The following WWOX variants were observed in gnomAD, a reference collection of about 807,000 sequenced individuals.
WWOX encodes WW domain-containing oxidoreductase.
A neutral mutation model predicts 46.2 loss-of-function variants in WWOX; 69 were observed. That is an observed-to-expected ratio of 1.49 (90% CI 1.23 to 1.82). The LOEUF (loss-of-function observed/expected upper bound fraction) is 1.82, where lower values mean the gene tolerates loss of function less well. Ranked by LOEUF, WWOX falls within the 40% of genes most tolerant of loss-of-function variation. The probability of loss-of-function intolerance (pLI) is 0.00; values close to 1 mark genes in which losing one functional copy is unlikely to be tolerated. For synonymous variants in WWOX, 359 were observed against 202.6 expected (o/e 1.77, Z -6.56); for missense variants, 919 against 542.6 (o/e 1.69, Z -6.89).
At chr16:78,865,702 A>G (rs1289865925) in intron 8 of WWOX, among the ~76,000 whole-genome samples, 5 of 152,144 alleles carry the variant, frequency 3.3e-5, no homozygotes, top group African/African-American at 1.2e-4. Context: ...CAACATGGTG[A>G]AACCCCATCT....
chr16:78,554,016 C>A (rs912612046), intron 8 of WWOX, among the ~76,000 whole-genome samples: 3 of 152,020 alleles, frequency 2.0e-5, no homozygotes, highest in Admixed American at 6.6e-5. Flanking sequence ...ATCAAACACG[C>A]CGTCAAGCAG....
chr16:78,710,473 C>CATATATATAT (rs544025863), intron 8 of WWOX, among the ~76,000 whole-genome samples: 809 of 63,552 alleles, frequency 0.013, 41 homozygotes, highest in African/African-American at 0.029. Context: ...TAATGGATCT[C>CATATATATAT]ATATATATAT....
At chr16:79,173,453 G>A (rs2050740829) in intron 8 of WWOX, among the ~76,000 whole-genome samples, 1 of 152,166 alleles carries the variant, frequency 6.6e-6, no homozygotes, top group South Asian at 2.1e-4. Context: ...GCAGAGACTG[G>A]GACCAGAAGC....
At chr16:78,416,867 T>C (rs1379698098) in intron 6 of WWOX, among the ~76,000 whole-genome samples, 1 of 152,160 alleles carries the variant, frequency 6.6e-6, no homozygotes, top group Non-Finnish European at 1.5e-5. Flanking sequence ...TATATTTAGT[T>C]TACAGGGGAG....
intron 4 of WWOX, among the ~76,000 whole-genome samples, chr16:78,137,505 G>T (rs538332219): frequency 2.6e-5 from 4 of 152,120 alleles, no homozygotes; most frequent in South Asian, 2.1e-4. Context: ...ATTTCCTTAC[G>T]TATTGTTTTG....
At chr16:79,161,765 C>T (rs1009110975) in intron 8 of WWOX, among the ~76,000 whole-genome samples, 6 of 152,214 alleles carry the variant, frequency 3.9e-5, no homozygotes, top group Non-Finnish European at 7.3e-5. Context: ...GCAATCCACC[C>T]GCCTTGGCCT....
chr16:79,134,263 A>C (rs1240832981), intron 8 of WWOX, among the ~76,000 whole-genome samples: 3 of 152,176 alleles, frequency 2.0e-5, no homozygotes, highest in African/African-American at 7.2e-5. Flanking sequence ...TGTTGCAGGT[A>C]GTCACTATCT....
intron 5 of WWOX, among the ~76,000 whole-genome samples, chr16:78,252,603 TC>T (rs1262584297): frequency 1.3e-5 from 2 of 152,226 alleles, no homozygotes; most frequent in African/African-American, 2.4e-5. Flanking sequence ...CCTTTATTTT[TC>T]CTTCTACTTA....
intron 8 of WWOX, among the ~76,000 whole-genome samples, chr16:78,608,287 G>T (rs2045812608): frequency 6.6e-6 from 1 of 152,172 alleles, no homozygotes; most frequent in African/African-American, 2.4e-5. Flanking sequence ...CAGCTTAAAA[G>T]GCCAGTTTCT....
intron 8 of WWOX, among the ~76,000 whole-genome samples, chr16:79,210,724 G>A (rs201293575): frequency 2.0e-5 from 3 of 151,708 alleles, no homozygotes; most frequent in Non-Finnish European, 3.0e-5. Context: ...ATTATGGCTT[G>A]CAAAGCAAAG....
At chr16:78,271,333 A>T (rs1200995252) in intron 5 of WWOX, among the ~76,000 whole-genome samples, 1 of 152,146 alleles carries the variant, frequency 6.6e-6, no homozygotes, top group Non-Finnish European at 1.5e-5. Flanking sequence ...AGCCCATGTA[A>T]ACTCGCTCTT....
At chr16:78,774,141 C>G (rs910521306) in intron 8 of WWOX, among the ~76,000 whole-genome samples, 13 of 152,068 alleles carry the variant, frequency 8.5e-5, no homozygotes, top group African/African-American at 3.1e-4. Flanking sequence ...AGTGACTCAT[C>G]CCTGCAATCC....
At chr16:78,433,236 G>T (rs910601672) in intron 8 of WWOX, among the ~76,000 whole-genome samples, 1 of 152,102 alleles carries the variant, frequency 6.6e-6, no homozygotes, top group African/African-American at 2.4e-5. Context: ...ATAATCCTCT[G>T]TTGGAGAGTC....
chr16:78,463,365 AC>A (rs1384469783), intron 8 of WWOX, among the ~76,000 whole-genome samples: 2 of 152,060 alleles, frequency 1.3e-5, no homozygotes, highest in South Asian at 2.1e-4. Context: ...AAAAAGGATA[AC>A]CCTTGAAACC....
At chr16:78,768,975 CAGA>C (rs1374012880) in intron 8 of WWOX, among the ~76,000 whole-genome samples, 3 of 152,208 alleles carry the variant, frequency 2.0e-5, no homozygotes, top group African/African-American at 7.2e-5. Flanking sequence ...AACCAAGCAC[CAGA>C]AGGTGTGGTT....
intron 8 of WWOX, chr16:78,691,370 A>T: frequency 1.5e-6 from 1 of 688,222 alleles, no homozygotes; most frequent in South Asian, 1.5e-5. Context: ...GGTGACAGAA[A>T]GGAAATCTCC....
At chr16:78,900,221 C>T (rs913269820) in intron 8 of WWOX, among the ~76,000 whole-genome samples, 4 of 151,866 alleles carry the variant, frequency 2.6e-5, no homozygotes, top group African/African-American at 9.7e-5. Flanking sequence ...TTGTTTATGA[C>T]GAGATTAAAG....
At chr16:78,313,629 G>A (rs1418223821) in intron 5 of WWOX, among the ~76,000 whole-genome samples, 2 of 152,198 alleles carry the variant, frequency 1.3e-5, no homozygotes, top group South Asian at 2.1e-4. Context: ...GCCTCCCAAG[G>A]TGTTGGGATT....
intron 8 of WWOX, among the ~76,000 whole-genome samples, chr16:78,575,729 T>G (rs1215957997): frequency 6.6e-6 from 1 of 152,176 alleles, no homozygotes; most frequent in Non-Finnish European, 1.5e-5. Flanking sequence ...TTTAGCACTA[T>G]GAAGAAAAAT....
Sources: allele counts gnomAD v4.1 joint callset (sites outside exome capture counted in the v4.1 genomes callset), GRCh38; gene constraint gnomAD v4.1.1; transcripts MANE v1.5; gene names NCBI Gene and HGNC (gene_info 2026-07-23, HGNC 2026-07-21).